COLEC10: variants seen among roughly 807,000 people sequenced by gnomAD.
The protein encoded by COLEC10 is collectin subfamily member 10.
In COLEC10, 22 loss-of-function variants were observed where a neutral mutation model predicts 28.4. The ratio of observed to expected loss-of-function variants is 0.78; its 90% CI spans 0.55 to 1.11. The LOEUF (loss-of-function observed/expected upper bound fraction) is 1.11, where lower values mean the gene tolerates loss of function less well. Ranked by LOEUF, COLEC10 falls within the 50% of genes least tolerant of loss-of-function variation. COLEC10 has a pLI of 0.00. For missense variants in COLEC10, 361 were observed against 344.1 expected (o/e 1.05, Z -0.39); for synonymous variants, 125 against 116.1 (o/e 1.08, Z -0.49).
intron 1 of COLEC10, among the ~76,000 whole-genome samples, chr8:119,001,598 C>G (rs940976448): frequency 6.6e-6 from 1 of 152,168 alleles, no homozygotes; most frequent in Non-Finnish European, 1.5e-5. Context: ...GGTAATTAGA[C>G]AGTGCTACTT....
At chr8:118,960,785 GAAAAAAAAAAA>G in the COLEC10 span, among the ~76,000 whole-genome samples, 1 of 72,556 alleles carries the variant, frequency 1.4e-5, no homozygotes, top group African/African-American at 5.1e-5. Flanking sequence ...GAGACTCTGT[GAAAAAAAAAAA>G]AAAAAAAAAA....
intron 1 of COLEC10, among the ~76,000 whole-genome samples, chr8:118,996,592 A>G (rs1207416928): frequency 6.6e-6 from 1 of 152,082 alleles, no homozygotes; most frequent in African/African-American, 2.4e-5. Context: ...TCCGGTTTAC[A>G]TTTATTTGAT....
chr8:119,040,356 G>T (rs1343458461), intron 2 of COLEC10, among the ~76,000 whole-genome samples: 1 of 152,200 alleles, frequency 6.6e-6, no homozygotes, highest in Non-Finnish European at 1.5e-5. Context: ...TCTTGAGAGA[G>T]AAATGGATTT....
chr8:118,996,064 G>A (rs1813583783), intron 1 of COLEC10, among the ~76,000 whole-genome samples: 2 of 151,996 alleles, frequency 1.3e-5, no homozygotes, highest in Admixed American at 1.3e-4. Context: ...CAAAACCCCT[G>A]GCAACCAGTG....
chr8:118,956,553 A>G, the COLEC10 span, among the ~76,000 whole-genome samples: 6 of 152,014 alleles, frequency 3.9e-5, no homozygotes, highest in African/African-American at 2.4e-5. Flanking sequence ...TTTTCCAGTC[A>G]CTCTAGTCAC....
At chr8:119,071,447 T>G (rs977645763) in intron 1 of COLEC10, among the ~76,000 whole-genome samples, 1 of 152,166 alleles carries the variant, frequency 6.6e-6, no homozygotes, top group Non-Finnish European at 1.5e-5. Flanking sequence ...TTGGCTCTCC[T>G]TCCTGACTCA....
In COLEC10 at chr8:119,014,050, C is replaced by A. The variant is rs183287844; in HGVS notation, n.235+4497C>A. Reference sequence around the variant, plus strand: ...ACACACTCACACAGACACATATACACACACATTCAAATACATTGCTGCTAT... The same window carrying A: ...ACACACTCACACAGACACATATACAAACACATTCAAATACATTGCTGCTAT... On this transcript the variant is annotated intron_variant and non_coding_transcript_variant, in intron 2 of 6. Transcript: ENST00000521788. Among the ~76,000 whole-genome samples, 50 of 150,830 alleles carry A rather than the reference C, an allele frequency of 3.3e-4. 2 individuals carry two copies. Among genetic ancestry groups the A allele is most frequent in the African/African-American group, 9.6e-4 (39 of 40,428 alleles).
the COLEC10 span, among the ~76,000 whole-genome samples, chr8:118,981,891 C>T: frequency 6.6e-6 from 1 of 152,050 alleles, no homozygotes; most frequent in Admixed American, 6.6e-5. Flanking sequence ...CAATGACTTC[C>T]TGGAGGTCCT....
chr8:119,015,059 A>G (rs1057236772), intron 2 of COLEC10, among the ~76,000 whole-genome samples: 6 of 151,204 alleles, frequency 4.0e-5, no homozygotes. Flanking sequence ...TATCCCTGCC[A>G]TATCTGAGTC....
upstream of COLEC10, among the ~76,000 whole-genome samples, chr8:119,064,813 G>A (rs1380964843): frequency 6.6e-6 from 1 of 150,538 alleles, no homozygotes; most frequent in Non-Finnish European, 1.5e-5. Context: ...TTTTTTTTTG[G>A]TCACTTTTTC....
At chr8:119,036,736 A>G (rs1410755931) in intron 2 of COLEC10, among the ~76,000 whole-genome samples, 4 of 152,216 alleles carry the variant, frequency 2.6e-5, no homozygotes, top group Admixed American at 2.6e-4. Context: ...AGGAAGAGTC[A>G]TTTACAAAGG....
the COLEC10 span, among the ~76,000 whole-genome samples, chr8:118,960,456 T>C: frequency 6.6e-6 from 1 of 152,170 alleles, no homozygotes; most frequent in Non-Finnish European, 1.5e-5. Flanking sequence ...AAGGGAGCCA[T>C]TGTAAATCTC....
chr8:118,962,755 C>A, the COLEC10 span, among the ~76,000 whole-genome samples: 1 of 152,158 alleles, frequency 6.6e-6, no homozygotes, highest in Non-Finnish European at 1.5e-5. Flanking sequence ...ACCAATTGAA[C>A]AACACCTTCC....
At chr8:119,058,751 CAT>C (rs1252738208) in intron 2 of COLEC10, among the ~76,000 whole-genome samples, 3 of 152,036 alleles carry the variant, frequency 2.0e-5, no homozygotes, top group Non-Finnish European at 2.9e-5. Flanking sequence ...TGTGTGGACA[CAT>C]GTCTTGATTT....
intron 2 of COLEC10, among the ~76,000 whole-genome samples, chr8:119,017,207 T>C (rs1165003608): frequency 6.6e-6 from 1 of 152,194 alleles, no homozygotes; most frequent in African/African-American, 2.4e-5. Context: ...TAGGGATTAG[T>C]AGATTCGATA....
intron 2 of COLEC10, among the ~76,000 whole-genome samples, chr8:119,019,780 C>T (rs1814060665): frequency 6.6e-6 from 1 of 152,176 alleles, no homozygotes; most frequent in South Asian, 2.1e-4. Flanking sequence ...TGATGATGTA[C>T]ACCCAGTATC....
chr8:118,979,493 A>G, the COLEC10 span, among the ~76,000 whole-genome samples: 1 of 152,114 alleles, frequency 6.6e-6, no homozygotes, highest in African/African-American at 2.4e-5. Context: ...TCCACCTAGA[A>G]TTAGCTGCTA....
At chr8:118,961,451 C>G in the COLEC10 span, among the ~76,000 whole-genome samples, 2 of 152,258 alleles carry the variant, frequency 1.3e-5, no homozygotes, top group East Asian at 3.9e-4. Context: ...GGGTGGGTGC[C>G]AAGATGGAAG....
At chr8:118,962,519 A>G in the COLEC10 span, among the ~76,000 whole-genome samples, 1 of 152,216 alleles carries the variant, frequency 6.6e-6, no homozygotes, top group Admixed American at 6.5e-5. Flanking sequence ...ACATATGTGA[A>G]CACCTGTGAT....
Sources: gnomAD v4.1 joint callset for allele counts (sites outside exome capture counted in the v4.1 genomes callset) on GRCh38, gnomAD v4.1.1 for gene constraint, MANE v1.5 for transcripts, NCBI Gene and HGNC (gene_info 2026-07-23, HGNC 2026-07-21) for gene names.